ZNF30: variants seen among roughly 807,000 people sequenced by gnomAD.
ZNF30 encodes the protein zinc finger protein 30 (KOX 28).
In ZNF30, 15 loss-of-function variants were observed where a neutral mutation model predicts 13.2. The ratio of observed to expected loss-of-function variants is 1.13; its 90% CI spans 0.76 to 1.75. ZNF30 has a LOEUF of 1.75. Ranked by LOEUF, ZNF30 falls within the 40% of genes most tolerant of loss-of-function variation. ZNF30 has a pLI of 0.00. For missense variants in ZNF30, 726 were observed against 757.0 expected, an observed-to-expected ratio of 0.96 and a Z score of 0.48; for synonymous variants, 223 against 256.6, an observed-to-expected ratio of 0.87 and a Z score of 1.25.
chr19:34,931,996 A>T lies in ZNF30; in HGVS notation c.160+3A>T, dbSNP rs2012479057. On this transcript the variant is annotated splice_donor_region_variant and intron_variant, in intron 3 of 4. Coordinates refer to ENST00000601142, the MANE Select transcript of ZNF30 (RefSeq NM_194325.3). Reference sequence around the variant, plus strand: ...CTACAGGAACTTGGTGTCAATGGGTAAGTGTACTTCTCTCAAATAATTGAG... The same window carrying T: ...CTACAGGAACTTGGTGTCAATGGGTTAGTGTACTTCTCTCAAATAATTGAG... 6.3e-7 allele frequency: 1 copy of T among 1,586,922 alleles called. No homozygotes were observed. Among genetic ancestry groups the T allele is most frequent in the Admixed American group, 1.9e-5 (1 of 52,696 alleles).
chr19:34,942,443 CAAAAAAA>C (rs911384556), intron 4 of ZNF30, among the ~76,000 whole-genome samples: 2 of 113,468 alleles, frequency 1.8e-5, no homozygotes, highest in Non-Finnish European at 3.8e-5. Context: ...AGATCCTATC[CAAAAAAA>C]AAAAGAAAAG....
chr19:34,944,934 T>C lies in ZNF30; in HGVS notation c.*96T>C, dbSNP rs1212189028. 22 of 1,138,126 alleles carry C rather than the reference T, an allele frequency of 1.9e-5. No individual in the cohort carries two copies. The highest frequency in any genetic ancestry group is 7.0e-5 in the South Asian group (4 of 57,004). The allele number at this position is 1,138,126 out of a possible 1,614,324, so 70.5% of individuals were successfully genotyped here. ...GTAGGAAACTTTCAAATGTGAAGAA[T>C]ATTGGCAGGTCTATTCTCATCTTAT... On this transcript the variant is annotated 3_prime_UTR_variant, in exon 5 of 5. Transcript: ENST00000601142.
Position 34,944,149 on chromosome 19 carries a change from A to G in ZNF30, c.1183A>G (p.Thr395Ala). Reference protein sequence around the residue: ...SYLVQHGRLHTGEKPYECKEC... With the variant: ...SYLVQHGRLHAGEKPYECKEC... ...TCTTGTTCAACATGGAAGACTTCAC[A>G]CTGGCGAGAAGCCCTATGAATGTAA... Residue 395 changes from threonine (T) to alanine (A), a missense_variant, in exon 5 of 5, where the codon ACT becomes GCT. Transcript: ENST00000601142. 6.2e-7 allele frequency: 1 copy of G among 1,613,826 alleles called. No individual in the cohort carries two copies. Among genetic ancestry groups the G allele is most frequent in the South Asian group, 1.1e-5 (1 of 91,062 alleles).
At position 34,944,902 on chromosome 19, in the gene ZNF30, T is replaced by G; in HGVS notation, c.*64T>G. 1 of 1,443,812 alleles carries G rather than the reference T, an allele frequency of 6.9e-7. No homozygotes were observed. Among genetic ancestry groups the G allele is most frequent in the Non-Finnish European group, 9.2e-7 (1 of 1,085,452 alleles). The allele number at this position is 1,443,812 out of a possible 1,614,324, so 89.4% of individuals were successfully genotyped here. A position where few individuals can be genotyped will look rare whatever the true frequency, so the allele number is the denominator to read the frequency against. On this transcript the variant is annotated 3_prime_UTR_variant, in exon 5 of 5. Transcript: ENST00000601142. ...AAACATTGTTGAACATCGGGGAATT[T>G]ATGCTGGTAGGAAACTTTCAAATGT...
chr19:34,944,032 A>T lies in ZNF30; in HGVS notation c.1066A>T (p.Ser356Cys). 1 of 1,613,880 alleles carries T rather than the reference A, an allele frequency of 6.2e-7. No homozygotes were observed. The change falls in exon 5 of 5, where the codon AGT (serine) becomes TGT (cysteine). Residue 356 changes from serine to cysteine, a missense_variant. Ser to Cys is a moderately radical substitution (Grantham distance 112, BLOSUM62 -1). Transcript: ENST00000601142. ...GGAATGTGGAAAGGCCTTTAGACTTAGTTCCTTCCTTCATGCACATCAGCG... is the reference window on the plus strand; with the variant it reads ...GGAATGTGGAAAGGCCTTTAGACTTTGTTCCTTCCTTCATGCACATCAGCG... ...CKECGKAFRL[S>C]SFLHAHQRIH...
At chr19:34,942,759 G>A in intron 4 of ZNF30, 1 of 530,028 alleles carries the variant, frequency 1.9e-6, no homozygotes, top group South Asian at 1.7e-5. Flanking sequence ...TTGATATGAG[G>A]TCTGAGAGGT....
chr19:34,936,958 C>A (rs1024372822), intron 4 of ZNF30, among the ~76,000 whole-genome samples: 17 of 152,066 alleles, frequency 1.1e-4, no homozygotes, highest in African/African-American at 4.1e-4. Context: ...ATGGCACTGG[C>A]TGAGGTCCCT....
At chr19:34,928,220 A>ATATATATATAT (rs1555778255) in intron 1 of ZNF30, among the ~76,000 whole-genome samples, 5 of 73,402 alleles carry the variant, frequency 6.8e-5, no homozygotes, top group African/African-American at 3.1e-4. Flanking sequence ...AAAAAAAAAA[A>ATATATATATAT]ATATATATAT....
intron 4 of ZNF30, chr19:34,942,505 C>A: frequency 1.0e-5 from 5 of 483,738 alleles, no homozygotes; most frequent in South Asian, 2.8e-5. Context: ...GAATGAAGTG[C>A]TAGAAAGTAA....
At chr19:34,933,754 A>G (rs1259773956) in intron 4 of ZNF30, 31 bp downstream of exon 4, 1 of 1,471,156 alleles carries the variant, frequency 6.8e-7, no homozygotes, top group Non-Finnish European at 9.3e-7. Flanking sequence ...TAGGGAGGCC[A>G]TTGTTGCTGG....
chr19:34,943,246 AT>A lies in ZNF30; in HGVS notation c.281del (p.Ile94ThrfsTer21). The A allele has an allele frequency of 6.3e-7, 1 of 1,586,394 alleles. No homozygotes were observed. Among genetic ancestry groups the A allele is most frequent in the Non-Finnish European group, 8.6e-7 (1 of 1,165,866 alleles). The part of the protein sequence containing the change: ...CTDLQLEDDT[I>X]GCKEMPTSEN... The stretch of plus-strand genomic sequence containing the variant: ...AGATTTGCAGTTGGAAGATGATACA[AT>A]CGGCTGTAAAGAAATGCCCACCTCT... On this transcript the variant is annotated frameshift_variant, in exon 5 of 5. Coordinates refer to ENST00000601142, the MANE Select transcript of ZNF30 (RefSeq NM_194325.3). LOFTEE classifies it low-confidence loss of function (END_TRUNC).
At chr19:34,923,859 G>A (rs1264834030), upstream of ZNF30, 4 of 152,144 alleles carry the variant, frequency 2.6e-5, no homozygotes, top group Non-Finnish European at 5.9e-5. Flanking sequence ...AACACAATTT[G>A]GTAAGTGGTT....
chr19:34,926,923 T>C lies in ZNF30; in HGVS notation c.-358T>C, dbSNP rs2012100763. On this transcript the variant is annotated 5_prime_UTR_variant, in exon 1 of 5. It removes an upstream start codon present in the reference 5' UTR. Transcript: ENST00000601142. ...GCGGCCTTGTGGACTGCGCCGGGCA[T>C]GCTCGGCGGTGTGACGGCTCAGGAC... The C allele has an allele frequency of 5.0e-6, 2 of 398,392 alleles. No homozygotes were observed. The highest frequency in any genetic ancestry group is 3.6e-5 in the East Asian group (1 of 28,052). 24.7% of individuals were successfully genotyped at this position (398,392 alleles called of 1,614,324 possible).
At chr19:34,939,414 G>C (rs911635358) in intron 4 of ZNF30, among the ~76,000 whole-genome samples, 3 of 150,620 alleles carry the variant, frequency 2.0e-5, no homozygotes, top group African/African-American at 7.3e-5. Context: ...TCCTGACTTG[G>C]TGATCCACCC....
intron 4 of ZNF30, among the ~76,000 whole-genome samples, chr19:34,941,262 A>AGTTTT (rs985362179): frequency 2.0e-5 from 3 of 151,994 alleles, no homozygotes; most frequent in Non-Finnish European, 2.9e-5. Context: ...TGGTGACTGA[A>AGTTTT]GTTTTGTTTT....
intron 1 of ZNF30, among the ~76,000 whole-genome samples, chr19:34,928,246 T>G (rs1383954403): frequency 1.9e-5 from 1 of 54,044 alleles, no homozygotes; most frequent in African/African-American, 1.6e-4. Context: ...TATATATATA[T>G]ATATATATAG....
chr19:34,926,760 A>G (rs1484520509), upstream of ZNF30: 1 of 395,130 alleles, frequency 2.5e-6, no homozygotes, highest in Non-Finnish European at 4.5e-6. Flanking sequence ...TTGGCCCTCT[A>G]AGAAGCTGGC....
intron 4 of ZNF30, among the ~76,000 whole-genome samples, chr19:34,934,822 T>G (rs2012636398): frequency 6.6e-6 from 1 of 152,122 alleles, no homozygotes. Context: ...ACACAGGGCT[T>G]AAAACCTAGA....
chr19:34,940,514 A>G (rs1388208537), intron 4 of ZNF30, among the ~76,000 whole-genome samples: 1 of 151,992 alleles, frequency 6.6e-6, no homozygotes, highest in East Asian at 1.9e-4. Context: ...CTAAAAATAC[A>G]AAAATTAGCT....
Sources: gnomAD v4.1 joint callset for allele counts (sites outside exome capture counted in the v4.1 genomes callset) on GRCh38, gnomAD v4.1.1 for gene constraint, MANE v1.5 for transcripts, NCBI Gene and HGNC (gene_info 2026-07-23, HGNC 2026-07-21) for gene names.